DPP10: variants seen among roughly 807,000 people sequenced by gnomAD.
The protein encoded by DPP10 is inactive dipeptidyl peptidase 10.
A neutral mutation model predicts 120.9 loss-of-function variants in DPP10; 33 were observed. That is an observed-to-expected ratio of 0.27 (90% CI 0.21 to 0.37). The LOEUF is 0.37. DPP10 is among the 10% of genes least tolerant of loss of function. The pLI is 1.00. For missense variants in DPP10, 816 were observed against 942.8 expected, an observed-to-expected ratio of 0.87 and a Z score of 1.76; for synonymous variants, 337 against 326.1, an observed-to-expected ratio of 1.03 and a Z score of -0.36.
chr2:115,191,373 T>G (rs2054868394), intron 1 of DPP10, among the ~76,000 whole-genome samples: 1 of 152,190 alleles, frequency 6.6e-6, no homozygotes, highest in African/African-American at 2.4e-5. Context: ...AGTTCACAGA[T>G]TTTTAGTCTG....
intron 3 of DPP10, among the ~76,000 whole-genome samples, chr2:115,461,759 A>G (rs922719425): frequency 9.9e-5 from 15 of 152,164 alleles, no homozygotes. Flanking sequence ...ACTGCTGGTA[A>G]AAGTATTATA....
At chr2:115,294,622 A>T (rs1384732519) in intron 1 of DPP10, among the ~76,000 whole-genome samples, 16 of 152,136 alleles carry the variant, frequency 1.1e-4, no homozygotes, top group Admixed American at 1.0e-3. Context: ...GAACAAAATG[A>T]AAAATGACTA....
chr2:114,776,844 AGT>A (rs1681792113), intron 1 of DPP10, among the ~76,000 whole-genome samples: 1 of 152,138 alleles, frequency 6.6e-6, no homozygotes, highest in African/African-American at 2.4e-5. Context: ...CTCTCTGAGC[AGT>A]GTGAGTTTTG....
chr2:115,727,685 C>T, intron 7 of DPP10, 131 bp from the exon 8 acceptor site: 1 of 992,654 alleles, frequency 1.0e-6, no homozygotes. Context: ...AAACATATGC[C>T]TTGAATAAAA....
intron 5 of DPP10, among the ~76,000 whole-genome samples, chr2:115,633,487 G>C (rs534023752): frequency 1.3e-5 from 2 of 152,036 alleles, no homozygotes; most frequent in African/African-American, 4.8e-5. Flanking sequence ...TGTAAATGAC[G>C]AGTTAATGGG....
chr2:115,682,851 A>G (rs1202645524), intron 5 of DPP10, among the ~76,000 whole-genome samples: 2 of 151,858 alleles, frequency 1.3e-5, no homozygotes, highest in South Asian at 2.1e-4. Context: ...AAAGTATTGT[A>G]TTTCAGTTCA....
At chr2:115,790,042 G>A (rs1454547183) in intron 17 of DPP10, among the ~76,000 whole-genome samples, 1 of 151,270 alleles carries the variant, frequency 6.6e-6, no homozygotes, top group East Asian at 2.0e-4. Context: ...AAACATATAT[G>A]TGAATGTATA....
intron 7 of DPP10, among the ~76,000 whole-genome samples, chr2:115,715,674 T>A (rs2092470756): frequency 6.6e-6 from 1 of 152,200 alleles, no homozygotes; most frequent in South Asian, 2.1e-4. Context: ...GAGGAATGAG[T>A]GAACTGTATA....
intron 1 of DPP10, among the ~76,000 whole-genome samples, chr2:114,531,527 T>C: frequency 6.8e-6 from 1 of 147,730 alleles, no homozygotes; most frequent in East Asian, 2.0e-4. Context: ...TATATATATT[T>C]ATATGTTACA....
At position 115,036,800 on chromosome 2, in the gene DPP10, T is replaced by C. The variant is rs1257740577; in HGVS notation, c.61-272439T>C. 2.6e-5 allele frequency among the ~76,000 whole-genome samples: 4 copies of C among 152,220 alleles called. No individual in the cohort carries two copies. In the East Asian group the frequency reaches 7.7e-4, roughly 29 times the overall value. ...ACAAAAAGTTGTTTACTTTTAAGTT[T>C]CTTTTAGGAGAATGAAAGAAACTCC... On this transcript the variant is annotated intron_variant, in intron 1 of 25. Transcript: ENST00000410059.
At chr2:115,421,921 T>C (rs2070008578) in intron 3 of DPP10, among the ~76,000 whole-genome samples, 1 of 138,144 alleles carries the variant, frequency 7.2e-6, no homozygotes, top group Admixed American at 7.3e-5. Context: ...ATTTGGGAAC[T>C]ATTTTCTATT....
At chr2:114,863,219 C>G (rs1363148736) in intron 1 of DPP10, among the ~76,000 whole-genome samples, 1 of 152,150 alleles carries the variant, frequency 6.6e-6, no homozygotes, top group African/African-American at 2.4e-5. Flanking sequence ...GATAATTGAC[C>G]AACTTCATGG....
intron 10 of DPP10, among the ~76,000 whole-genome samples, chr2:115,746,944 C>T (rs975191901): frequency 1.1e-4 from 17 of 151,992 alleles, no homozygotes; most frequent in African/African-American, 3.6e-4. Flanking sequence ...TTGATGATAT[C>T]GATAATCAGG....
At chr2:114,999,964 T>C (rs1229878965) in intron 1 of DPP10, among the ~76,000 whole-genome samples, 1 of 152,194 alleles carries the variant, frequency 6.6e-6, no homozygotes, top group Non-Finnish European at 1.5e-5. Flanking sequence ...GAGGAAATGC[T>C]ATGTACACAT....
At chr2:115,738,031 A>G (rs1006921853) in intron 8 of DPP10, among the ~76,000 whole-genome samples, 1 of 152,206 alleles carries the variant, frequency 6.6e-6, no homozygotes, top group Admixed American at 6.5e-5. Flanking sequence ...ATACAGCAGC[A>G]TTCAACCATA....
At chr2:115,404,239 G>T (rs2104516061) in intron 3 of DPP10, among the ~76,000 whole-genome samples, 1 of 152,202 alleles carries the variant, frequency 6.6e-6, no homozygotes, top group Non-Finnish European at 1.5e-5. Context: ...AATGTCACAT[G>T]ATCAAAGCAG....
intron 1 of DPP10, among the ~76,000 whole-genome samples, chr2:114,999,664 T>C (rs996449750): frequency 6.6e-6 from 1 of 152,180 alleles, no homozygotes; most frequent in Non-Finnish European, 1.5e-5. Context: ...CACCCTTGTC[T>C]GTCATCTTTG....
intron 5 of DPP10, chr2:115,579,892 G>A (rs1165383135): frequency 6.6e-6 from 1 of 152,174 alleles, no homozygotes; most frequent in African/African-American, 2.4e-5. Context: ...GTGTGCCATA[G>A]TGTTTCGCTG....
At chr2:115,647,530 A>T (rs2087368199) in intron 5 of DPP10, among the ~76,000 whole-genome samples, 1 of 152,172 alleles carries the variant, frequency 6.6e-6, no homozygotes, top group Non-Finnish European at 1.5e-5. Flanking sequence ...TATTAGAAAT[A>T]GTACATGGTA....
Sources: allele counts gnomAD v4.1 joint callset (sites outside exome capture counted in the v4.1 genomes callset), GRCh38; gene constraint gnomAD v4.1.1; transcripts MANE v1.5; gene names NCBI Gene and HGNC (gene_info 2026-07-23, HGNC 2026-07-21).